MLF1: variants seen among roughly 807,000 people sequenced by gnomAD.
MLF1 encodes myeloid leukemia factor 1.
Under a neutral mutation model 38.3 loss-of-function variants are expected in MLF1, and 37 were observed. That is an observed-to-expected ratio of 0.96 (90% CI 0.74 to 1.27). The LOEUF is 1.27. Ranked by LOEUF, MLF1 falls within the 50% of genes most tolerant of loss-of-function variation. MLF1 has a pLI of 0.00. For missense variants in MLF1, 331 were observed against 349.2 expected (o/e 0.95, Z 0.42); for synonymous variants, 95 against 106.5 (o/e 0.89, Z 0.66).
chr3:158,605,415 T>C lies in MLF1; in HGVS notation c.*213T>C. On this transcript the variant is annotated 3_prime_UTR_variant, in exon 8 of 8. Transcript: ENST00000466246. Reference sequence around the variant, plus strand: ...TTCAACAATGTGAGTAAATTGAGTCTATTTAATGTAAAACTCTTTAAAACA... The same window carrying C: ...TTCAACAATGTGAGTAAATTGAGTCCATTTAATGTAAAACTCTTTAAAACA... 1 of 411,014 alleles carries C rather than the reference T, an allele frequency of 2.4e-6. No individual in the cohort carries two copies. Among genetic ancestry groups the C allele is most frequent in the Non-Finnish European group, 4.4e-6 (1 of 229,366 alleles). The allele number at this position is 411,014 out of a possible 1,614,324, so 25.5% of individuals were successfully genotyped here.
chr3:158,575,962 A>G (rs2108552556), intron 1 of MLF1, among the ~76,000 whole-genome samples: 1 of 152,312 alleles, frequency 6.6e-6, no homozygotes, highest in East Asian at 1.9e-4. Flanking sequence ...TGATATAAAA[A>G]TAGAATTACT....
intron 1 of MLF1, among the ~76,000 whole-genome samples, chr3:158,572,913 G>A (rs559896746): frequency 1.3e-5 from 2 of 151,614 alleles, no homozygotes; most frequent in East Asian, 1.9e-4. Context: ...TCACACTCCC[G>A]GGGTGCCTGC....
intron 1 of MLF1, among the ~76,000 whole-genome samples, chr3:158,576,913 A>G (rs1282788912): frequency 6.6e-6 from 1 of 151,966 alleles, no homozygotes; most frequent in Admixed American, 6.6e-5. Context: ...ATCTCGTGAT[A>G]TGCTGGCCTC....
chr3:158,597,021 CT>C (rs1325055755), intron 4 of MLF1, 76 bp downstream of exon 4: 6 of 871,434 alleles, frequency 6.9e-6, no homozygotes, highest in Non-Finnish European at 1.1e-5. Flanking sequence ...CTTTCAAACA[CT>C]TTTTTAACCA....
rs746824276 is a variant in MLF1 at position 158,596,927 on chromosome 3, G to T, written c.306G>T (p.Gln102His). 1.2e-6 allele frequency: 2 copies of T among 1,605,584 alleles called. No homozygotes were observed. Among genetic ancestry groups the T allele is most frequent in the Non-Finnish European group, 1.7e-6 (2 of 1,174,212 alleles). Residue 102 changes from glutamine (Q) to histidine (H), a missense_variant, in exon 4 of 8, where the codon CAG (glutamine) becomes CAT (histidine). By Grantham distance (24) the Gln-to-His change is conservative. Transcript: ENST00000466246. Reference sequence around the variant, plus strand: ...TGTCAAATATGAGAAACTATATGCAGAAATTAGAAAGAAACTTCGTAAGTA... The same window carrying T: ...TGTCAAATATGAGAAACTATATGCATAAATTAGAAAGAAACTTCGTAAGTA... ...QMVSNMRNYM[Q>H]KLERNFGQLS...
chr3:158,592,339 T>TA, intron 1 of MLF1, 95 bp from the exon 2 acceptor site: 1 of 1,091,446 alleles, frequency 9.2e-7, no homozygotes, highest in Non-Finnish European at 1.3e-6. Flanking sequence ...CTAACAAACA[T>TA]ATTAGCCCAA....
intron 1 of MLF1, among the ~76,000 whole-genome samples, chr3:158,579,280 C>T (rs1210817045): frequency 7.4e-6 from 1 of 135,522 alleles, no homozygotes; most frequent in Non-Finnish European, 1.7e-5. Flanking sequence ...TGTGTGCTAC[C>T]ATAGAATTTT....
intron 1 of MLF1, among the ~76,000 whole-genome samples, chr3:158,581,525 C>T (rs1196069043): frequency 1.3e-5 from 2 of 152,162 alleles, no homozygotes; most frequent in African/African-American, 4.8e-5. Context: ...CAACCCAAGG[C>T]TAGGCTAAGC....
Position 158,573,686 on chromosome 3 carries a change from T to A in MLF1, c.47+2339T>A, listed in dbSNP as rs185355799. Among the ~76,000 whole-genome samples, 13 of 152,374 alleles carry A rather than the reference T, an allele frequency of 8.5e-5. No homozygotes were observed. In the East Asian group the frequency reaches 2.5e-3, roughly 29 times the overall value. On this transcript the variant is annotated intron_variant, in intron 1 of 7. Transcript: ENST00000466246. The stretch of plus-strand genomic sequence containing the variant: ...TTGAATTTTGATTTCAAGTCTAGTT[T>A]ATTTTGATCCCTTAAATTTTCTAGG...
intron 1 of MLF1, among the ~76,000 whole-genome samples, chr3:158,575,050 A>C (rs1433875994): frequency 6.6e-6 from 1 of 152,180 alleles, no homozygotes; most frequent in Non-Finnish European, 1.5e-5. Flanking sequence ...AGCAGAGGCA[A>C]TGAATTCAAG....
intron 6 of MLF1, among the ~76,000 whole-genome samples, chr3:158,602,487 C>CA: frequency 6.6e-6 from 1 of 152,220 alleles, no homozygotes; most frequent in Non-Finnish European, 1.5e-5. Context: ...AGAGTATATT[C>CA]ACTGTGAGAT....
At chr3:158,581,070 C>A (rs750232106) in intron 1 of MLF1, among the ~76,000 whole-genome samples, 56 of 152,254 alleles carry the variant, frequency 3.7e-4, no homozygotes, top group Non-Finnish European at 5.9e-4. Flanking sequence ...GGTCACAGGG[C>A]AAATCTCTGC....
intron 1 of MLF1, among the ~76,000 whole-genome samples, chr3:158,584,440 C>T (rs549720057): frequency 5.3e-5 from 8 of 152,230 alleles, no homozygotes; most frequent in Admixed American, 4.6e-4. Context: ...AGACCCTATA[C>T]AACATAATAT....
intron 1 of MLF1, among the ~76,000 whole-genome samples, chr3:158,574,757 A>G (rs1024489094): frequency 6.6e-6 from 1 of 151,754 alleles, no homozygotes; most frequent in Non-Finnish European, 1.5e-5. Context: ...ATTATTTTGT[A>G]TTACATAAGC....
chr3:158,602,221 G>A (rs1329045839), intron 6 of MLF1, among the ~76,000 whole-genome samples: 1 of 152,068 alleles, frequency 6.6e-6, no homozygotes, highest in Non-Finnish European at 1.5e-5. Context: ...TATATACTGA[G>A]TATTTCACAA....
At chr3:158,592,922 C>G (rs191282439) in intron 2 of MLF1, among the ~76,000 whole-genome samples, 1 of 152,158 alleles carries the variant, frequency 6.6e-6, no homozygotes, top group East Asian at 1.9e-4. Flanking sequence ...CTTTCTCTCC[C>G]ATACTCATTG....
At chr3:158,597,021 C>G (rs45471897) in intron 4 of MLF1, 76 bp downstream of exon 4, 311,581 of 869,690 alleles carry the variant, frequency 0.36, 57,122 homozygotes, top group South Asian at 0.38. Flanking sequence ...CTTTCAAACA[C>G]TTTTTTAACC....
chr3:158,578,489 T>C (rs1287456120), intron 1 of MLF1, among the ~76,000 whole-genome samples: 1 of 149,830 alleles, frequency 6.7e-6, no homozygotes, highest in Non-Finnish European at 1.5e-5. Context: ...TGTACGTATG[T>C]ACATACATAC....
chr3:158,601,330 G>A (rs974864305), intron 6 of MLF1, among the ~76,000 whole-genome samples: 5 of 152,128 alleles, frequency 3.3e-5, no homozygotes, highest in African/African-American at 1.2e-4. Flanking sequence ...GGCACTTTGG[G>A]AGGCCAAGGC....
Sources: allele counts gnomAD v4.1 joint callset (sites outside exome capture counted in the v4.1 genomes callset), GRCh38; gene constraint gnomAD v4.1.1; transcripts MANE v1.5; gene names NCBI Gene and HGNC (gene_info 2026-07-23, HGNC 2026-07-21).